Variants in RCAN2 observed in about 807,000 individuals in gnomAD.
RCAN2 encodes calcipressin-2.
In RCAN2, 9 loss-of-function variants were observed where a neutral mutation model predicts 23.6. The ratio of observed to expected loss-of-function variants is 0.38; its 90% CI spans 0.23 to 0.67. The LOEUF (loss-of-function observed/expected upper bound fraction) is 0.67, where lower values mean the gene tolerates loss of function less well. Ranked by LOEUF, RCAN2 falls within the 30% of genes least tolerant of loss-of-function variation. The pLI is 0.51. For synonymous variants in RCAN2, 109 were observed against 115.7 expected (o/e 0.94, Z 0.37); for missense variants, 273 against 302.3 (o/e 0.90, Z 0.72).
chr6:46,272,802 GT>G (rs1246108192), intron 2 of RCAN2, among the ~76,000 whole-genome samples: 5 of 152,270 alleles, frequency 3.3e-5, no homozygotes, highest in African/African-American at 1.2e-4. Flanking sequence ...GATTTCGTAA[GT>G]TCATTTTATA....
chr6:46,282,362 G>A (rs1006650035), intron 2 of RCAN2, among the ~76,000 whole-genome samples: 7 of 151,266 alleles, frequency 4.6e-5, no homozygotes, highest in Admixed American at 1.3e-4. Flanking sequence ...TGGCTAACAC[G>A]GTGAAACCTC....
At chr6:46,291,546 G>C (rs368846712) in intron 2 of RCAN2, among the ~76,000 whole-genome samples, 1 of 152,034 alleles carries the variant, frequency 6.6e-6, no homozygotes, top group Non-Finnish European at 1.5e-5. Flanking sequence ...TCAGAGTGGA[G>C]AGTGCTTTAG....
At chr6:46,375,396 TCTC>T (rs1192722667) in intron 2 of RCAN2, among the ~76,000 whole-genome samples, 1 of 152,128 alleles carries the variant, frequency 6.6e-6, no homozygotes, top group African/African-American at 2.4e-5. Context: ...CATTTAGACT[TCTC>T]CTCCCAGACA....
chr6:46,300,128 A>G (rs554049448), intron 2 of RCAN2, among the ~76,000 whole-genome samples: 1 of 152,066 alleles, frequency 6.6e-6, no homozygotes, highest in African/African-American at 2.4e-5. Context: ...AATGAATACA[A>G]AAGTGGGAAA....
chr6:46,243,589 T>C (rs369234543), intron 4 of RCAN2, among the ~76,000 whole-genome samples: 1 of 151,854 alleles, frequency 6.6e-6, no homozygotes, highest in African/African-American at 2.4e-5. Context: ...GGCGGGTGGA[T>C]CACGAGGTCA....
chr6:46,320,495 C>T (rs1763578199), intron 2 of RCAN2, among the ~76,000 whole-genome samples: 1 of 152,126 alleles, frequency 6.6e-6, no homozygotes, highest in African/African-American at 2.4e-5. Flanking sequence ...TCATAACTCA[C>T]ACAACAGCAT....
intron 2 of RCAN2, among the ~76,000 whole-genome samples, chr6:46,317,738 T>C (rs902398639): frequency 1.3e-5 from 2 of 152,224 alleles, no homozygotes; most frequent in Non-Finnish European, 2.9e-5. Flanking sequence ...GTGTTGGGAT[T>C]ACAGGCGTAA....
intron 2 of RCAN2, among the ~76,000 whole-genome samples, chr6:46,412,409 C>A (rs1423716810): frequency 6.6e-6 from 1 of 152,046 alleles, no homozygotes; most frequent in Non-Finnish European, 1.5e-5. Flanking sequence ...ACTAGAGGTA[C>A]AGATTGTGGG....
chr6:46,233,279 G>A (rs1212973834), intron 4 of RCAN2, among the ~76,000 whole-genome samples: 1 of 152,220 alleles, frequency 6.6e-6, no homozygotes. Flanking sequence ...TTCTTGCAAT[G>A]CTGAATGAAA....
At chr6:46,264,415 T>G (rs767558771) in intron 2 of RCAN2, among the ~76,000 whole-genome samples, 1 of 152,228 alleles carries the variant, frequency 6.6e-6, no homozygotes, top group Non-Finnish European at 1.5e-5. Context: ...GAACTTCTTA[T>G]GATTCAATCA....
At chr6:46,417,503 T>A (rs2150410650) in intron 2 of RCAN2, among the ~76,000 whole-genome samples, 2 of 152,244 alleles carry the variant, frequency 1.3e-5, no homozygotes, top group East Asian at 3.9e-4. Flanking sequence ...AAGGGACATA[T>A]CAATTTGGAT....
intron 2 of RCAN2, among the ~76,000 whole-genome samples, chr6:46,387,734 C>T (rs1765798469): frequency 6.6e-6 from 1 of 152,072 alleles, no homozygotes; most frequent in Admixed American, 6.6e-5. Flanking sequence ...ACCATTTGAC[C>T]CAGCGATCCC....
chr6:46,482,958 T>A (rs536181600), intron 1 of RCAN2, among the ~76,000 whole-genome samples: 1 of 152,342 alleles, frequency 6.6e-6, no homozygotes, highest in South Asian at 2.1e-4. Flanking sequence ...CATTCTACTT[T>A]TGGAGACCCT....
At chr6:46,417,780 G>T (rs1250075505) in intron 2 of RCAN2, among the ~76,000 whole-genome samples, 1 of 152,176 alleles carries the variant, frequency 6.6e-6, no homozygotes, top group East Asian at 1.9e-4. Context: ...TGTGTGACAG[G>T]TCTAATGCTA....
chr6:46,391,932 G>A (rs563794542), intron 2 of RCAN2, among the ~76,000 whole-genome samples: 5 of 152,216 alleles, frequency 3.3e-5, no homozygotes, highest in African/African-American at 1.2e-4. Context: ...AAAAATCAAG[G>A]TTTACAAAGC....
chr6:46,418,384 T>G (rs545798694), intron 2 of RCAN2, among the ~76,000 whole-genome samples: 45 of 152,266 alleles, frequency 3.0e-4, no homozygotes, highest in Non-Finnish European at 6.2e-4. Flanking sequence ...AGCTGCCACT[T>G]TTTCGCCATC....
chr6:46,455,352 A>G lies in RCAN2; in HGVS notation c.225+1400T>C, dbSNP rs1304854152. Among the ~76,000 whole-genome samples, 3 of 152,142 alleles carry G rather than the reference A, an allele frequency of 2.0e-5. No individual in the cohort carries two copies. The East Asian group carries it at 5.8e-4, about 29-fold the overall frequency. On this transcript the variant is annotated intron_variant, in intron 2 of 4. Coordinates refer to ENST00000371374, the MANE Select transcript of RCAN2 (RefSeq NM_001251974.2). Reference sequence around the variant, plus strand: ...GATATCATTATAAAAATATCTTTAAATGGCTTAAAATAATTCCTAATCCTC... The same window carrying G: ...GATATCATTATAAAAATATCTTTAAGTGGCTTAAAATAATTCCTAATCCTC...
chr6:46,455,066 G>A (rs545550238), intron 2 of RCAN2, among the ~76,000 whole-genome samples: 40 of 152,322 alleles, frequency 2.6e-4, no homozygotes, highest in Admixed American at 4.6e-4. Context: ...GATATGATGA[G>A]AATACATAGA....
At chr6:46,317,565 C>T (rs1452561228) in intron 2 of RCAN2, among the ~76,000 whole-genome samples, 1 of 152,098 alleles carries the variant, frequency 6.6e-6, no homozygotes, top group African/African-American at 2.4e-5. Context: ...CGGTTAAGGC[C>T]ATTCTCCTGC....
Sources: allele counts gnomAD v4.1 joint callset (sites outside exome capture counted in the v4.1 genomes callset), GRCh38; gene constraint gnomAD v4.1.1; transcripts MANE v1.5; gene names NCBI Gene and HGNC (gene_info 2026-07-23, HGNC 2026-07-21).